PLCL2: variants seen among roughly 807,000 people sequenced by gnomAD.
PLCL2 encodes phospholipase C like 2.
PLCL2 carries 4 observed loss-of-function variants against 79.6 expected under a neutral mutation model. That is an observed-to-expected ratio of 0.05 (90% confidence interval 0.02 to 0.11). The LOEUF (loss-of-function observed/expected upper bound fraction) is 0.11, where lower values mean the gene tolerates loss of function less well. PLCL2 is among the 10% of genes least tolerant of loss of function. The pLI, the probability that PLCL2 is intolerant of heterozygous loss-of-function variation, is 1.00. For missense variants in PLCL2, 895 were observed against 1,291.0 expected (o/e 0.69, Z 4.70); for synonymous variants, 484 against 457.7 (o/e 1.06, Z -0.73).
chr3:17,023,489 A>T (rs1332655925), intron 3 of PLCL2, among the ~76,000 whole-genome samples: 1 of 152,176 alleles, frequency 6.6e-6, no homozygotes, highest in Non-Finnish European at 1.5e-5. Flanking sequence ...AATAAGTCTC[A>T]TGAAACCTGA....
chr3:16,979,206 C>T (rs1249873900), intron 1 of PLCL2, among the ~76,000 whole-genome samples: 1 of 152,134 alleles, frequency 6.6e-6, no homozygotes, highest in East Asian at 1.9e-4. Context: ...AAATCTATGG[C>T]ATGAACTGTC....
At chr3:17,082,082 C>A (rs1046362774) in intron 5 of PLCL2, among the ~76,000 whole-genome samples, 2 of 149,250 alleles carry the variant, frequency 1.3e-5, no homozygotes, top group African/African-American at 4.9e-5. Flanking sequence ...CTTTTCAAGT[C>A]TTTTGAAGCA....
At chr3:16,924,014 A>T (rs747219909) in intron 1 of PLCL2, among the ~76,000 whole-genome samples, 2 of 152,044 alleles carry the variant, frequency 1.3e-5, no homozygotes, top group Non-Finnish European at 2.9e-5. Flanking sequence ...CATTCTCATG[A>T]TTTCCTTTAG....
chr3:17,052,624 T>C (rs1420779804), intron 4 of PLCL2, among the ~76,000 whole-genome samples: 1 of 151,988 alleles, frequency 6.6e-6, no homozygotes, highest in Non-Finnish European at 1.5e-5. Context: ...TTACACTGAG[T>C]GTGCCTGCCT....
intron 4 of PLCL2, among the ~76,000 whole-genome samples, chr3:17,049,000 C>T (rs767633750): frequency 6.6e-6 from 1 of 151,970 alleles, no homozygotes; most frequent in Non-Finnish European, 1.5e-5. Context: ...ATAAAGAAAT[C>T]CAGCATAAGG....
At chr3:16,956,368 G>A (rs1206362478) in intron 1 of PLCL2, among the ~76,000 whole-genome samples, 2,954 of 151,758 alleles carry the variant, frequency 0.019, 32 homozygotes, top group Non-Finnish European at 0.024. Context: ...CTTGCATCCC[G>A]GGGATGAAGC....
rs892938593 is a variant in PLCL2 at position 17,009,293 on chromosome 3, A to AT, written c.328-372dup. Among the ~76,000 whole-genome samples the AT allele has an allele frequency of 5.3e-5, 8 of 151,202 alleles. No homozygotes were observed. The East Asian group carries it at 5.9e-4, about 11-fold the overall frequency. ...GAGCCACCATGCCCGGCCAAAAAAA[A>AT]TTTTTTTTTGTAGAGATGGGATCTC... On this transcript the variant is annotated intron_variant, in intron 1 of 5. Transcript: ENST00000615277. The surrounding 1 kb of genome is among the most constrained non-coding windows in gnomAD (Gnocchi z 4.0).
intron 1 of PLCL2, among the ~76,000 whole-genome samples, chr3:16,924,150 G>A (rs573712111): frequency 6.6e-6 from 1 of 152,128 alleles, no homozygotes; most frequent in African/African-American, 2.4e-5. Flanking sequence ...TTTTTCCTGT[G>A]TATGGGCAAT....
intron 1 of PLCL2, among the ~76,000 whole-genome samples, chr3:16,944,524 G>C (rs544890616): frequency 2.8e-4 from 43 of 152,194 alleles, no homozygotes; most frequent in African/African-American, 1.0e-3. Context: ...AGGTCATTGG[G>C]ATGGGCTCTA....
intron 1 of PLCL2, among the ~76,000 whole-genome samples, chr3:16,885,713 T>C (rs1276247410): frequency 6.6e-6 from 1 of 152,208 alleles, no homozygotes; most frequent in Non-Finnish European, 1.5e-5. Flanking sequence ...ATTTCTATTG[T>C]ATCTTAAACA....
chr3:17,033,021 A>G (rs2124911353), intron 3 of PLCL2, among the ~76,000 whole-genome samples: 1 of 152,268 alleles, frequency 6.6e-6, no homozygotes, highest in East Asian at 1.9e-4. Context: ...AGCTACCTAC[A>G]GATAAGATGG....
intron 3 of PLCL2, among the ~76,000 whole-genome samples, chr3:17,021,889 G>A (rs1559522088): frequency 6.6e-6 from 1 of 152,106 alleles, no homozygotes; most frequent in Non-Finnish European, 1.5e-5. Context: ...ATTTAAAATT[G>A]CAAAGTAAGC....
At chr3:16,984,044 A>C (rs1394057149) in intron 1 of PLCL2, among the ~76,000 whole-genome samples, 2 of 152,212 alleles carry the variant, frequency 1.3e-5, no homozygotes, top group Non-Finnish European at 2.9e-5. Context: ...AAGACAGGAA[A>C]TGGGATAATT....
intron 1 of PLCL2, among the ~76,000 whole-genome samples, chr3:16,891,434 G>A (rs1447312336): frequency 6.6e-6 from 1 of 152,160 alleles, no homozygotes; most frequent in African/African-American, 2.4e-5. Context: ...GGCCATGCTC[G>A]TTTTGAAAGT....
intron 3 of PLCL2, among the ~76,000 whole-genome samples, chr3:17,030,774 C>T (rs1171460319): frequency 1.3e-5 from 2 of 152,180 alleles, no homozygotes; most frequent in East Asian, 1.9e-4. Context: ...TCTTCAATTG[C>T]TTTCCTCTTT....
chr3:16,981,152 G>GGAGAGT (rs2063992939), intron 1 of PLCL2, among the ~76,000 whole-genome samples: 2 of 151,858 alleles, frequency 1.3e-5, no homozygotes, highest in African/African-American at 4.8e-5. Context: ...GAGACTCGGG[G>GGAGAGT]GAGAGGGAGA....
At chr3:16,933,990 C>G (rs902896028) in intron 1 of PLCL2, among the ~76,000 whole-genome samples, 6 of 152,056 alleles carry the variant, frequency 3.9e-5, no homozygotes, top group Admixed American at 3.9e-4. Context: ...TCGCTTGAAC[C>G]CAGGAGGCGG....
At chr3:17,036,121 A>T (rs1316465606) in intron 3 of PLCL2, among the ~76,000 whole-genome samples, 3 of 152,118 alleles carry the variant, frequency 2.0e-5, no homozygotes, top group Non-Finnish European at 4.4e-5. Flanking sequence ...ACAGCTCTTA[A>T]TGATATGGCA....
chr3:17,032,874 A>C (rs11719799), intron 3 of PLCL2, among the ~76,000 whole-genome samples: 2 of 152,294 alleles, frequency 1.3e-5, no homozygotes, highest in Admixed American at 6.5e-5. Flanking sequence ...ACATTCAGAA[A>C]CTGCACTTAA....
Sources: allele counts gnomAD v4.1 joint callset (sites outside exome capture counted in the v4.1 genomes callset), GRCh38; gene constraint gnomAD v4.1.1; non-coding constraint Gnocchi (gnomAD v3.1); transcripts MANE v1.5; gene names NCBI Gene and HGNC (gene_info 2026-07-23, HGNC 2026-07-21).